PTBP2: variants seen among roughly 807,000 people sequenced by gnomAD.
PTBP2 encodes the protein polypyrimidine tract-binding protein 2.
Under a neutral mutation model 61.4 loss-of-function variants are expected in PTBP2, and 13 were observed. That is an observed-to-expected ratio of 0.21 (90% CI 0.14 to 0.34). The LOEUF (loss-of-function observed/expected upper bound fraction) is 0.34, where lower values mean the gene tolerates loss of function less well. PTBP2 is among the 10% of genes least tolerant of loss of function. The pLI, the probability that PTBP2 is intolerant of heterozygous loss-of-function variation, is 1.00. For synonymous variants in PTBP2, 215 were observed against 218.5 expected, an observed-to-expected ratio of 0.98 and a Z score of 0.14; for missense variants, 405 against 642.6, an observed-to-expected ratio of 0.63 and a Z score of 4.00.
chr1:96,730,054 A>G (rs1167460781), intron 2 of PTBP2, among the ~76,000 whole-genome samples: 5 of 152,142 alleles, frequency 3.3e-5, no homozygotes, highest in Admixed American at 3.3e-4. Flanking sequence ...CACTTTTGGT[A>G]TCTGTTGAAT....
intron 8 of PTBP2, among the ~76,000 whole-genome samples, chr1:96,796,453 T>C (rs1440415654): frequency 6.6e-6 from 1 of 152,182 alleles, no homozygotes; most frequent in African/African-American, 2.4e-5. Context: ...TTGAAAGATT[T>C]GATTGAATTC....
rs1662339888 is a variant in PTBP2, at chr1:96,814,257, A to G, written c.*852A>G. 6.6e-6 allele frequency: 1 copy of G among 152,488 alleles called. No individual in the cohort carries two copies. The highest frequency in any genetic ancestry group is 1.5e-5 in the Non-Finnish European group (1 of 67,954). 9.4% of individuals were successfully genotyped at this position (152,488 alleles called of 1,614,324 possible). On this transcript the variant is annotated 3_prime_UTR_variant, in exon 14 of 14. Coordinates refer to ENST00000674951, the MANE Select transcript of PTBP2 (RefSeq NM_021190.4). ...ATGACTTACGTGCATTTAAATATAT[A>G]TTGCCATCCTTAGTTTGTAATTAAG...
At chr1:96,819,236 A>G (rs1305563374), downstream of PTBP2, 6 of 152,028 alleles carry the variant, frequency 3.9e-5, no homozygotes, top group African/African-American at 1.4e-4. Flanking sequence ...AGCACAGTCT[A>G]ACAGTTGAAA....
chr1:96,789,475 T>C (rs1042561196), intron 8 of PTBP2, among the ~76,000 whole-genome samples: 1 of 152,118 alleles, frequency 6.6e-6, no homozygotes, highest in African/African-American at 2.4e-5. Context: ...GGTTTTACTA[T>C]GTAGCAAGAG....
intron 2 of PTBP2, among the ~76,000 whole-genome samples, chr1:96,747,569 T>C (rs1017172051): frequency 6.6e-6 from 1 of 152,194 alleles, no homozygotes; most frequent in Non-Finnish European, 1.5e-5. Context: ...TTGAAATCTC[T>C]GTAATGACTT....
intron 11 of PTBP2, among the ~76,000 whole-genome samples, chr1:96,811,284 T>G (rs2101254405): frequency 6.6e-6 from 1 of 152,318 alleles, no homozygotes; most frequent in East Asian, 1.9e-4. Context: ...TTTAACCAGT[T>G]CTTTGTATCT....
Position 96,791,827 on chromosome 1 carries a change from T to TTTTTTTTGG in PTBP2, c.904+6580_904+6581insGGTTTTTTT, listed in dbSNP as rs1553184731. On this transcript the variant is annotated intron_variant, in intron 8 of 13. Transcript: ENST00000674951. ...CCACCTCTGTTGCTTGGAGTTGTGC[T>TTTTTTTTGG]TTTTTTTTTTTTTTTTTTTTTTGAG... Among the ~76,000 whole-genome samples, 402 of 81,940 alleles carry TTTTTTTTGG rather than the reference T, an allele frequency of 4.9e-3. 14 individuals are homozygous for TTTTTTTTGG. Among genetic ancestry groups the TTTTTTTTGG allele is most frequent in the Admixed American group, 0.047 (344 of 7,262 alleles). The allele number at this position is 81,940 out of a possible 152,430, so 53.8% of individuals were successfully genotyped here. A position where few individuals can be genotyped will look rare whatever the true frequency, so the allele number is the denominator to read the frequency against.
chr1:96,791,628 A>G (rs751342399), intron 8 of PTBP2, among the ~76,000 whole-genome samples: 10 of 152,078 alleles, frequency 6.6e-5, no homozygotes, highest in Non-Finnish European at 1.3e-4. Flanking sequence ...TCTAAGAACT[A>G]ATCTTTTTGG....
At chr1:96,749,924 G>A (rs1333402275) in intron 2 of PTBP2, among the ~76,000 whole-genome samples, 1 of 152,124 alleles carries the variant, frequency 6.6e-6, no homozygotes, top group Non-Finnish European at 1.5e-5. Flanking sequence ...CTGAGCTCCA[G>A]AGCACCCTTT....
chr1:96,821,429 T>G (rs542732771), exon 14 of PTBP2: 92 of 151,988 alleles, frequency 6.1e-4, no homozygotes, highest in Middle Eastern at 6.8e-3. Context: ...AGAGGTTGGT[T>G]TCAGTTTTAA....
At chr1:96,820,728 T>G (rs1167144117) in exon 14 of PTBP2, 1 of 152,104 alleles carries the variant, frequency 6.6e-6, no homozygotes, top group Admixed American at 6.5e-5. Flanking sequence ...ATATATTTCT[T>G]AACCATTTAA....
chr1:96,739,853 C>T (rs933151360), intron 2 of PTBP2, among the ~76,000 whole-genome samples: 1 of 151,492 alleles, frequency 6.6e-6, no homozygotes, highest in African/African-American at 2.4e-5. Flanking sequence ...TCTTATCTCC[C>T]GACCTCGTGA....
chr1:96,754,443 C>A (rs1654928945), intron 3 of PTBP2, among the ~76,000 whole-genome samples: 1 of 152,050 alleles, frequency 6.6e-6, no homozygotes, highest in Admixed American at 6.6e-5. Flanking sequence ...TGGTAAGGTT[C>A]TTATATTTTA....
intron 2 of PTBP2, among the ~76,000 whole-genome samples, chr1:96,734,372 G>A (rs1379955557): frequency 1.3e-5 from 2 of 151,782 alleles, no homozygotes; most frequent in African/African-American, 2.4e-5. Flanking sequence ...AAGACTGTTA[G>A]GACACACACA....
In PTBP2 at chr1:96,744,000, A is replaced by C. The variant is rs181734753; in HGVS notation, c.40-7425A>C. 2.9e-3 allele frequency among the ~76,000 whole-genome samples: 439 copies of C among 152,206 alleles called. 2 individuals carry two copies. The highest frequency in any genetic ancestry group is 0.01 in the African/African-American group (429 of 41,512). On this transcript the variant is annotated intron_variant, in intron 2 of 13. Coordinates refer to ENST00000674951, the MANE Select transcript of PTBP2 (RefSeq NM_021190.4). ...TGAGACCAGCCTGGCTCTACTAAAA[A>C]TAAAATGTGGTGAAACCCCGTCTCT...
rs1659084381 is a variant in PTBP2 at position 96,785,190 on chromosome 1, G to T, written c.840G>T (p.Gly280=). The change falls in exon 8 of 14, where the codon GGG becomes GGT. Residue 280 remains glycine (G), a synonymous_variant. Coordinates refer to ENST00000674951, the MANE Select transcript of PTBP2 (RefSeq NM_021190.4). The part of the protein sequence containing the change: ...RDYTRPDLPS[G]DGQPALDPAI... ...ATACTCGACCTGATCTTCCATCTGGGGATGGACAACCTGCATTGGACCCAG... is the reference window on the plus strand; with the variant it reads ...ATACTCGACCTGATCTTCCATCTGGTGATGGACAACCTGCATTGGACCCAG... 6.2e-6 allele frequency: 10 copies of T among 1,610,430 alleles called. No homozygotes were observed. Among genetic ancestry groups the T allele is most frequent in the Non-Finnish European group, 8.5e-6 (10 of 1,178,320 alleles).
intron 11 of PTBP2, among the ~76,000 whole-genome samples, chr1:96,810,607 CTTA>C (rs1337490771): frequency 6.6e-6 from 1 of 152,042 alleles, no homozygotes; most frequent in Non-Finnish European, 1.5e-5. Flanking sequence ...GACTTATTTT[CTTA>C]TTCTTTCCCT....
At chr1:96,725,003 A>G (rs1650194975) in intron 2 of PTBP2, among the ~76,000 whole-genome samples, 1 of 152,080 alleles carries the variant, frequency 6.6e-6, no homozygotes, top group Non-Finnish European at 1.5e-5. Context: ...TCTTGAGTTC[A>G]TTTTGTACAG....
At chr1:96,729,097 A>G (rs566249375) in intron 2 of PTBP2, among the ~76,000 whole-genome samples, 5 of 152,200 alleles carry the variant, frequency 3.3e-5, no homozygotes, top group African/African-American at 1.2e-4. Flanking sequence ...ATCTTGGCTC[A>G]CTGCAACCTG....
Sources: gnomAD v4.1 joint callset for allele counts (sites outside exome capture counted in the v4.1 genomes callset) on GRCh38, gnomAD v4.1.1 for gene constraint, MANE v1.5 for transcripts, NCBI Gene and HGNC (gene_info 2026-07-23, HGNC 2026-07-21) for gene names.